CELF2: variants seen among roughly 807,000 people sequenced by gnomAD.
CELF2 encodes CUG triplet repeat RNA-binding protein 2.
In CELF2, 8 loss-of-function variants were observed where a neutral mutation model predicts 62.6. The ratio of observed to expected loss-of-function variants is 0.13; its 90% CI spans 0.07 to 0.23. The LOEUF (loss-of-function observed/expected upper bound fraction) is 0.23. Ranked by LOEUF, CELF2 falls within the 10% of genes least tolerant of loss-of-function variation. CELF2 has a pLI of 1.00. For synonymous variants in CELF2, 258 were observed against 250.0 expected (o/e 1.03, Z -0.30); for missense variants, 333 against 671.0 (o/e 0.50, Z 5.56).
At position 10,928,045 on chromosome 10, in the gene CELF2, C is replaced by T. The variant is rs12259178; in HGVS notation, c.89+8046C>T. Among the ~76,000 whole-genome samples the T allele has an allele frequency of 4.8e-3, 727 of 152,276 alleles. 7 individuals carry two copies. The highest frequency in any genetic ancestry group is 0.016 in the African/African-American group (685 of 41,540). On this transcript the variant is annotated intron_variant, in intron 2 of 13. Coordinates refer to the CELF2 transcript ENST00000636488. This position sits in a 1 kb window ranked among gnomAD's most constrained non-coding sequence, Gnocchi z 4.8. ...CTCATTTATTTTGCTTCTGACACAC[C>T]GGCCTTTCTCCGCACTTACTTCCAC...
At chr10:11,284,118 A>G (rs1402122009) in intron 8 of CELF2, among the ~76,000 whole-genome samples, 24 of 50,388 alleles carry the variant, frequency 4.8e-4, no homozygotes, top group South Asian at 2.8e-3. Context: ...ACTGTGTGGT[A>G]GGTGGATGAT....
intron 1 of CELF2, among the ~76,000 whole-genome samples, chr10:10,906,573 C>T (rs2063352372): frequency 6.6e-6 from 1 of 152,164 alleles, no homozygotes; most frequent in Non-Finnish European, 1.5e-5. Context: ...AATTACTAAA[C>T]TAAGAGACAG....
chr10:11,044,275 G>A (rs1220338872), intron 1 of CELF2, among the ~76,000 whole-genome samples: 1 of 152,184 alleles, frequency 6.6e-6, no homozygotes, highest in African/African-American at 2.4e-5. Context: ...CCCCGAAACA[G>A]CAGGGGCTTG....
the CELF2 span, among the ~76,000 whole-genome samples, chr10:10,782,759 C>A: frequency 3.5e-4 from 54 of 152,288 alleles, 1 homozygote; most frequent in Non-Finnish European, 6.8e-4. Context: ...TGTGACCAGA[C>A]CTTTCAGGTT....
chr10:11,108,731 T>C (rs1182666959), intron 1 of CELF2, among the ~76,000 whole-genome samples: 1 of 152,240 alleles, frequency 6.6e-6, no homozygotes, highest in Non-Finnish European at 1.5e-5. Flanking sequence ...GTTGACTTTC[T>C]CATTCTAATC....
At position 10,983,734 on chromosome 10, in the gene CELF2, A is replaced by C. The variant is rs2052412661; in HGVS notation, c.89+63735A>C. On this transcript the variant is annotated intron_variant, in intron 2 of 13. Transcript: ENST00000636488. The surrounding 1 kb of genome is among the most constrained non-coding windows in gnomAD (Gnocchi z 5.2). ...AGGCACTTGCCACCACGCCTGGCTAATTTTTGTATTTTTAGTAAAAACAGG... is the reference window on the plus strand; with the variant it reads ...AGGCACTTGCCACCACGCCTGGCTACTTTTTGTATTTTTAGTAAAAACAGG... Among the ~76,000 whole-genome samples the C allele has an allele frequency of 6.6e-6, 1 of 152,044 alleles. No individual in the cohort carries two copies. Among genetic ancestry groups the C allele is most frequent in the Non-Finnish European group, 1.5e-5 (1 of 67,996 alleles).
chr10:11,243,359 C>CAA lies in CELF2; in HGVS notation c.355-5778_355-5777dup, dbSNP rs35245941. On this transcript the variant is annotated intron_variant, in intron 3 of 12. Coordinates refer to ENST00000633077, the MANE Select transcript of CELF2 (RefSeq NM_001326342.2). This position sits in a 1 kb window ranked among gnomAD's most constrained non-coding sequence, Gnocchi z 4.1. The stretch of plus-strand genomic sequence containing the variant: ...GTGCGGCTTTAGGCAAAATGTTATT[C>CAA]AAAAAAAAAAAAAAAAAGCTTCTAA... Among the ~76,000 whole-genome samples the CAA allele has an allele frequency of 5.5e-5, 5 of 91,258 alleles. No homozygotes were observed. The highest frequency in any genetic ancestry group is 3.6e-4 in the South Asian group (1 of 2,756). The allele number at this position is 91,258 out of a possible 152,430, so 59.9% of individuals were successfully genotyped here. A position where few individuals can be genotyped will look rare whatever the true frequency, so the allele number is the denominator to read the frequency against.
intron 1 of CELF2, among the ~76,000 whole-genome samples, chr10:10,888,463 G>A (rs974161982): frequency 1.1e-4 from 16 of 152,166 alleles, no homozygotes; most frequent in African/African-American, 3.6e-4. Flanking sequence ...GAATTATAAG[G>A]ACCAGTTAGA....
chr10:11,209,092 C>CT (rs750339332), intron 2 of CELF2, among the ~76,000 whole-genome samples: 12 of 152,100 alleles, frequency 7.9e-5, no homozygotes, highest in Non-Finnish European at 1.3e-4. Flanking sequence ...GTGATGGGTA[C>CT]TTTTTTCATG....
At chr10:11,090,323 G>A (rs1023314708) in intron 1 of CELF2, among the ~76,000 whole-genome samples, 1 of 152,146 alleles carries the variant, frequency 6.6e-6, no homozygotes, top group Non-Finnish European at 1.5e-5. Context: ...AGAATAAATG[G>A]TAGTTTTTTC....
rs1275066873 is a variant in CELF2 at position 11,319,387 on chromosome 10, C to T, written c.1097-1802C>T. Among the ~76,000 whole-genome samples, 1 of 152,176 alleles carries T rather than the reference C, an allele frequency of 6.6e-6. No homozygotes were observed. Among genetic ancestry groups the T allele is most frequent in the African/African-American group, 2.4e-5 (1 of 41,440 alleles). ...AATAGAGAAATGACTCTCCAGCCCT[C>T]TGGTGGCCATAGTAACAGGGACAGA... On this transcript the variant is annotated intron_variant, in intron 10 of 12. Transcript: ENST00000633077. This position sits in a 1 kb window ranked among gnomAD's most constrained non-coding sequence, Gnocchi z 4.4.
the CELF2 span, among the ~76,000 whole-genome samples, chr10:10,626,617 T>A: frequency 2.0e-5 from 3 of 152,176 alleles, no homozygotes; most frequent in Non-Finnish European, 4.4e-5. Context: ...TTTTAGAGCT[T>A]GATATTTAAT....
In CELF2 at chr10:11,328,724, G is replaced by GCCAGCTGCTCC. The variant is rs2095888366; in HGVS notation, c.1439-201_1439-191dup. 6.6e-6 allele frequency among the ~76,000 whole-genome samples: 1 copy of GCCAGCTGCTCC among 152,166 alleles called. No homozygotes were observed. The highest frequency in any genetic ancestry group is 1.5e-5 in the Non-Finnish European group (1 of 68,034). The stretch of plus-strand genomic sequence containing the variant: ...TCCATGATGCCACATTTCCAGTCCA[G>GCCAGCTGCTCC]CCAGCTGCTCCACAGCTGCTCAGTG... On this transcript the variant is annotated intron_variant, in intron 12 of 12. Coordinates refer to ENST00000633077, the MANE Select transcript of CELF2 (RefSeq NM_001326342.2). This position sits in a 1 kb window ranked among gnomAD's most constrained non-coding sequence, Gnocchi z 6.4.
At chr10:10,741,294 C>T in the CELF2 span, among the ~76,000 whole-genome samples, 13 of 152,046 alleles carry the variant, frequency 8.6e-5, no homozygotes, top group African/African-American at 3.1e-4. Flanking sequence ...AGGCAGATCA[C>T]GATGTCAACA....
intron 1 of CELF2, among the ~76,000 whole-genome samples, chr10:10,842,597 T>C (rs1469780559): frequency 3.3e-5 from 5 of 152,112 alleles, no homozygotes; most frequent in African/African-American, 9.6e-5. Flanking sequence ...TTACATTAAT[T>C]GATTTTTTAA....
chr10:10,536,637 C>T, the CELF2 span, among the ~76,000 whole-genome samples: 3 of 152,100 alleles, frequency 2.0e-5, no homozygotes, highest in Non-Finnish European at 2.9e-5. Context: ...AGCAAGTGTC[C>T]CAACAGGTAA....
chr10:11,179,448 C>T (rs2072481884), intron 2 of CELF2, among the ~76,000 whole-genome samples: 1 of 152,140 alleles, frequency 6.6e-6, no homozygotes, highest in Non-Finnish European at 1.5e-5. Flanking sequence ...GTGCCTAGCT[C>T]GGTGCCTGAC....
At chr10:10,682,532 G>A in the CELF2 span, among the ~76,000 whole-genome samples, 1 of 152,184 alleles carries the variant, frequency 6.6e-6, no homozygotes, top group African/African-American at 2.4e-5. Context: ...AAGGTGTTCC[G>A]TTTGAAGAGC....
At chr10:10,642,331 C>T in the CELF2 span, among the ~76,000 whole-genome samples, 28 of 152,270 alleles carry the variant, frequency 1.8e-4, no homozygotes, top group African/African-American at 6.7e-4. Context: ...CTCTCTGAAT[C>T]ACTTCTCCAG....
Sources: allele counts gnomAD v4.1 joint callset (sites outside exome capture counted in the v4.1 genomes callset), GRCh38; gene constraint gnomAD v4.1.1; non-coding constraint Gnocchi (gnomAD v3.1); transcripts MANE v1.5; gene names NCBI Gene and HGNC (gene_info 2026-07-23, HGNC 2026-07-21).